The following L3MBTL4 variants were observed in gnomAD, a reference collection of about 807,000 sequenced individuals.
The protein encoded by L3MBTL4 is lethal(3)malignant brain tumor-like protein 4.
L3MBTL4 carries 70 observed loss-of-function variants against 84.5 expected under a neutral mutation model. That is an observed-to-expected ratio of 0.83 (90% CI 0.68 to 1.01). L3MBTL4 has a LOEUF of 1.01. L3MBTL4 is among the 50% of genes least tolerant of loss of function. The pLI is 0.00. For synonymous variants in L3MBTL4, 274 were observed against 259.8 expected, an observed-to-expected ratio of 1.05 and a Z score of -0.52; for missense variants, 715 against 754.8, an observed-to-expected ratio of 0.95 and a Z score of 0.62.
At chr18:6,408,686 C>CT (rs763274818) in intron 1 of L3MBTL4, among the ~76,000 whole-genome samples, 3,518 of 144,604 alleles carry the variant, frequency 0.024, 51 homozygotes, top group African/African-American at 0.056. Context: ...TCTTCTTCTT[C>CT]TTTTTTTTTT....
chr18:6,068,990 T>C (rs1306085667), intron 16 of L3MBTL4, among the ~76,000 whole-genome samples: 1 of 152,176 alleles, frequency 6.6e-6, no homozygotes, highest in African/African-American at 2.4e-5. Context: ...TGGGTCTAGA[T>C]ACCCAGTGGG....
chr18:6,284,236 A>G (rs570668562), intron 4 of L3MBTL4, among the ~76,000 whole-genome samples: 1 of 152,358 alleles, frequency 6.6e-6, no homozygotes, highest in African/African-American at 2.4e-5. Flanking sequence ...GAGCTACCAT[A>G]CAAATACAGC....
At chr18:6,106,313 A>G (rs1232915113) in intron 14 of L3MBTL4, among the ~76,000 whole-genome samples, 1 of 152,204 alleles carries the variant, frequency 6.6e-6, no homozygotes, top group Admixed American at 6.5e-5. Context: ...TGCCAAATGG[A>G]TACTGATGAT....
chr18:6,293,323 G>A lies in L3MBTL4; in HGVS notation c.127+8580C>T, dbSNP rs1469601073. On this transcript the variant is annotated intron_variant, in intron 4 of 18. Coordinates refer to ENST00000317931, the MANE Select transcript of L3MBTL4 (RefSeq NM_001330559.2). ...TGACTGATTCAACGTCTGGGGCAAG[G>A]AGAGTTCAAGATAAGCCTAAAACAT... Among the ~76,000 whole-genome samples, 5 of 152,124 alleles carry A rather than the reference G, an allele frequency of 3.3e-5. No homozygotes were observed. In the East Asian group the frequency reaches 9.6e-4, roughly 29 times the overall value.
rs1009197228 is a variant in L3MBTL4, at chr18:6,092,362, C to A, written c.1373+993G>T. 2.0e-5 allele frequency among the ~76,000 whole-genome samples: 3 copies of A among 152,202 alleles called. No individual in the cohort carries two copies. In the South Asian group the frequency reaches 6.2e-4, roughly 32 times the overall value. ...GCCCCCTTGAAGAGAAGGAGCACCT[C>A]CCCACCTGGGATGGAGGTGCAAATG... On this transcript the variant is annotated intron_variant, in intron 15 of 18. Transcript: ENST00000317931.
At chr18:6,015,593 C>A (rs2054929683) in intron 16 of L3MBTL4, among the ~76,000 whole-genome samples, 2 of 152,250 alleles carry the variant, frequency 1.3e-5, no homozygotes, top group South Asian at 4.2e-4. Flanking sequence ...TGAGCCAGTA[C>A]TCTTTGCACC....
intron 15 of L3MBTL4, among the ~76,000 whole-genome samples, chr18:6,085,240 T>A (rs2058219413): frequency 6.9e-6 from 1 of 143,994 alleles, no homozygotes; most frequent in Non-Finnish European, 1.5e-5. Context: ...GAAACCATGG[T>A]CATTAGGGGA....
intron 1 of L3MBTL4, among the ~76,000 whole-genome samples, chr18:6,373,493 C>A (rs1215485194): frequency 5.3e-5 from 8 of 152,138 alleles, no homozygotes; most frequent in African/African-American, 1.9e-4. Context: ...AGTTCTTCAC[C>A]AAACCCCTAT....
At chr18:6,239,939 G>C (rs1811954680) in intron 8 of L3MBTL4, 67 bp from the exon 9 acceptor site, 3 of 1,553,800 alleles carry the variant, frequency 1.9e-6, no homozygotes, top group Non-Finnish European at 8.8e-7. Flanking sequence ...CTGAGCCACT[G>C]TCAAAACTTC....
chr18:6,356,471 G>A (rs981754713), intron 1 of L3MBTL4, among the ~76,000 whole-genome samples: 3 of 152,182 alleles, frequency 2.0e-5, no homozygotes, highest in Non-Finnish European at 2.9e-5. Context: ...TCTAAGAAAT[G>A]CGTTATTAGC....
At chr18:6,408,826 C>T (rs1363743717) in intron 1 of L3MBTL4, among the ~76,000 whole-genome samples, 1 of 151,980 alleles carries the variant, frequency 6.6e-6, no homozygotes, top group East Asian at 1.9e-4. Context: ...GGATCATAGG[C>T]ATGCCACACC....
rs74780002 is a variant in L3MBTL4 at position 6,238,676 on chromosome 18, C to T, written c.708-636G>A. Among the ~76,000 whole-genome samples the T allele has an allele frequency of 4.2e-3, 640 of 152,242 alleles. 8 individuals are homozygous for T. Among genetic ancestry groups the T allele is most frequent in the African/African-American group, 0.015 (620 of 41,538 alleles). ...AAGAGAAAATATTAATAGGACAGTC[C>T]AATCAGACTCCAGATGACATCTTTC... is the stretch of plus-strand genomic sequence containing the variant. On this transcript the variant is annotated intron_variant, in intron 9 of 18. Coordinates refer to ENST00000317931, the MANE Select transcript of L3MBTL4 (RefSeq NM_001330559.2).
chr18:6,005,856 A>C (rs2054455793), intron 16 of L3MBTL4, among the ~76,000 whole-genome samples: 1 of 152,184 alleles, frequency 6.6e-6, no homozygotes, highest in Non-Finnish European at 1.5e-5. Flanking sequence ...ATGTACCTGA[A>C]AATGGGATTG....
chr18:6,388,691 A>G lies in L3MBTL4; in HGVS notation c.-91+26110T>C, dbSNP rs182740378. On this transcript the variant is annotated intron_variant, in intron 1 of 18. Transcript: ENST00000317931. ...ATATATGGGTTTATTTGTGTAATTA[A>G]CAAAACATTCATGGATATTTGTTTT... Among the ~76,000 whole-genome samples, 140 of 152,372 alleles carry G rather than the reference A, an allele frequency of 9.2e-4. 1 individual carries two copies. The highest frequency in any genetic ancestry group is 1.9e-3 in the Admixed American group (29 of 15,310).
intron 1 of L3MBTL4, among the ~76,000 whole-genome samples, chr18:6,364,336 T>C (rs1908012055): frequency 6.6e-6 from 1 of 152,000 alleles, no homozygotes; most frequent in African/African-American, 2.4e-5. Context: ...TCTTAATTTT[T>C]TCCATTATAA....
At chr18:6,350,266 G>A (rs1172978478) in intron 1 of L3MBTL4, among the ~76,000 whole-genome samples, 3 of 152,178 alleles carry the variant, frequency 2.0e-5, no homozygotes, top group Admixed American at 6.5e-5. Context: ...CATCAAAGCT[G>A]AAAACGTTTG....
intron 12 of L3MBTL4, among the ~76,000 whole-genome samples, chr18:6,177,152 T>C (rs183597724): frequency 6.6e-6 from 1 of 152,316 alleles, no homozygotes; most frequent in Admixed American, 6.5e-5. Flanking sequence ...GATGAAAATA[T>C]AAAGTTGTGT....
intron 14 of L3MBTL4, among the ~76,000 whole-genome samples, chr18:6,108,582 C>T (rs753798678): frequency 3.9e-5 from 6 of 152,046 alleles, no homozygotes; most frequent in Non-Finnish European, 7.4e-5. Context: ...CAGCTAGAGT[C>T]ACTGACTAGG....
intron 16 of L3MBTL4, among the ~76,000 whole-genome samples, chr18:5,992,096 A>G (rs1222447627): frequency 6.6e-6 from 1 of 152,050 alleles, no homozygotes; most frequent in African/African-American, 2.4e-5. Context: ...ACCCTCATGA[A>G]CTCATGGTCC....
Sources: gnomAD v4.1 joint callset for allele counts (sites outside exome capture counted in the v4.1 genomes callset) on GRCh38, gnomAD v4.1.1 for gene constraint, MANE v1.5 for transcripts, NCBI Gene and HGNC (gene_info 2026-07-23, HGNC 2026-07-21) for gene names.